Variants in BAHCC1 observed in about 807,000 individuals in gnomAD.
BAHCC1 encodes the protein BAH domain and coiled-coil containing 1.
Under a neutral mutation model 88.2 loss-of-function variants are expected in BAHCC1, and 43 were observed. That is an observed-to-expected ratio of 0.49 (90% CI 0.38 to 0.63). The LOEUF is 0.63. Ranked by LOEUF, BAHCC1 falls within the 20% of genes least tolerant of loss-of-function variation. The pLI, the probability that BAHCC1 is intolerant of heterozygous loss-of-function variation, is 0.00. For synonymous variants in BAHCC1, 1,510 were observed against 745.5 expected (o/e 2.03, Z -16.71); for missense variants, 3,023 against 1,654.8 (o/e 1.83, Z -14.34).
Position 81,395,485 on chromosome 17 carries a change from C to T in BAHCC1, c.-357C>T, listed in dbSNP as rs1457670229. 1 of 152,222 alleles carries T rather than the reference C, an allele frequency of 6.6e-6. No homozygotes were observed. The highest frequency in any genetic ancestry group is 1.5e-5 in the Non-Finnish European group (1 of 68,054). The allele number at this position is 152,222 out of a possible 1,614,324, so 9.4% of individuals were successfully genotyped here. A position where few individuals can be genotyped will look rare whatever the true frequency, so the allele number is the denominator to read the frequency against. On this transcript the variant is annotated 5_prime_UTR_variant, in exon 1 of 28. Transcript: ENST00000675386. ...CCAGGCTGCAGGTTTGAGAGCCGCT[C>T]TGGATGGGCTCGCTAGAGTCGTTGT...
chr17:81,456,836 A>T (rs2064758483), intron 16 of BAHCC1, among the ~76,000 whole-genome samples: 1 of 151,946 alleles, frequency 6.6e-6, no homozygotes, highest in Non-Finnish European at 1.5e-5. Flanking sequence ...GCCGAAGGGG[A>T]AGGAAGGACC....
intron 23 of BAHCC1, among the ~76,000 whole-genome samples, 177 bp from the exon 24 acceptor site, chr17:81,460,100 G>A (rs573097537): frequency 3.9e-5 from 6 of 152,246 alleles, no homozygotes; most frequent in South Asian, 4.1e-4. Flanking sequence ...GGCACTGCAG[G>A]AGGTGGAGAG....
rs782328774 is a variant in BAHCC1, at chr17:81,399,575, G to A, written c.-165G>A. On this transcript the variant is annotated 5_prime_UTR_variant, in exon 2 of 28. Coordinates refer to ENST00000675386, the MANE Select transcript of BAHCC1 (RefSeq NM_001377448.1). This position sits in a 1 kb window ranked among gnomAD's most constrained non-coding sequence, Gnocchi z 4.5. ...GCGGCCGCTGGCTCGGTGCGCGGCC[G>A]CCCGCCGAGAAGCCCAGTCCTCCCG... 4 of 414,024 alleles carry A rather than the reference G, an allele frequency of 9.7e-6. No individual in the cohort carries two copies. Among genetic ancestry groups the A allele is most frequent in the East Asian group, 1.5e-4 (1 of 6,830 alleles). 25.6% of individuals were successfully genotyped at this position (414,024 alleles called of 1,614,324 possible).
rs1555645532 is a variant in BAHCC1, at chr17:81,399,365, T to TGCGGCGGGGAGACACCGAGC, written c.-206-166_-206-147dup. 2 of 134,136 alleles carry TGCGGCGGGGAGACACCGAGC rather than the reference T, an allele frequency of 1.5e-5. No individual in the cohort carries two copies. Among genetic ancestry groups the TGCGGCGGGGAGACACCGAGC allele is most frequent in the Non-Finnish European group, 3.1e-5 (2 of 64,280 alleles). The allele number at this position is 134,136 out of a possible 1,614,324, so 8.3% of individuals were successfully genotyped here. ...CCCCGGGTGCTGGGCTGCGCGCGCG[T>TGCGGCGGGGAGACACCGAGC]GCGGCGGGGAGACACCGAGCGCCCC... On this transcript the variant is annotated intron_variant, in intron 1 of 27. Transcript: ENST00000675386. The surrounding 1 kb of genome is among the most constrained non-coding windows in gnomAD (Gnocchi z 4.5).
At chr17:81,423,803 G>T (rs2064142797) in intron 2 of BAHCC1, among the ~76,000 whole-genome samples, 1 of 152,242 alleles carries the variant, frequency 6.6e-6, no homozygotes. Flanking sequence ...ACTGGACTTG[G>T]GCAGAGGTGG....
chr17:81,414,069 C>T (rs571595912), intron 2 of BAHCC1, among the ~76,000 whole-genome samples: 168 of 152,342 alleles, frequency 1.1e-3, no homozygotes, highest in African/African-American at 3.7e-3. Context: ...CTAGACTCTC[C>T]TCTGAAGCTG....
intron 23 of BAHCC1, 100 bp from the exon 24 acceptor site, chr17:81,460,177 G>GCCCTCCCCTCA (rs2030123021): frequency 3.0e-6 from 2 of 671,364 alleles, no homozygotes; most frequent in Non-Finnish European, 5.5e-6. Context: ...GAACCCCAGA[G>GCCCTCCCCTCA]CCCTCCCCTC....
intron 2 of BAHCC1, among the ~76,000 whole-genome samples, chr17:81,421,616 G>A (rs1203267271): frequency 1.3e-5 from 2 of 152,222 alleles, no homozygotes; most frequent in African/African-American, 4.8e-5. Flanking sequence ...CAGTGGGGGA[G>A]AAATCCACGC....
At chr17:81,398,514 C>T (rs1377310560) in intron 1 of BAHCC1, among the ~76,000 whole-genome samples, 1 of 152,232 alleles carries the variant, frequency 6.6e-6, no homozygotes, top group Non-Finnish European at 1.5e-5. Context: ...GAGCGGAGAC[C>T]GGCCTCTGCT....
chr17:81,451,965 C>T lies in BAHCC1; in HGVS notation c.4180-6C>T. The T allele has an allele frequency of 1.6e-6, 1 of 623,642 alleles. No homozygotes were observed. Among genetic ancestry groups the T allele is most frequent in the Non-Finnish European group, 2.9e-6 (1 of 347,714 alleles). 38.6% of individuals were successfully genotyped at this position (623,642 alleles called of 1,614,324 possible). Reference sequence around the variant, plus strand: ...GGCTCACAGGCCCCTGTGCCCCCCCCACCAGGTGTGCCCCCTGAAGGCCGC... The same window carrying T: ...GGCTCACAGGCCCCTGTGCCCCCCCTACCAGGTGTGCCCCCTGAAGGCCGC... On this transcript the variant is annotated splice_region_variant and splice_polypyrimidine_tract_variant and intron_variant, in intron 12 of 27. Coordinates refer to ENST00000675386, the MANE Select transcript of BAHCC1 (RefSeq NM_001377448.1).
intron 2 of BAHCC1, among the ~76,000 whole-genome samples, chr17:81,415,154 G>A (rs560853752): frequency 5.9e-5 from 9 of 152,360 alleles, no homozygotes; most frequent in South Asian, 2.1e-4. Context: ...GCACCTGGCC[G>A]TGTGACCCCC....
intron 2 of BAHCC1, among the ~76,000 whole-genome samples, chr17:81,403,493 AAG>A (rs200502770): frequency 5.3e-5 from 8 of 149,636 alleles, no homozygotes; most frequent in African/African-American, 2.0e-4. Context: ...AAAAAAAAAA[AAG>A]AAAAAGAAAA....
Position 81,406,764 on chromosome 17 carries a change from G to A in BAHCC1, c.178+6847G>A, listed in dbSNP as rs2063885334. Among the ~76,000 whole-genome samples the A allele has an allele frequency of 2.6e-5, 4 of 152,350 alleles. No homozygotes were observed. In the South Asian group the frequency reaches 8.3e-4, roughly 32 times the overall value. On this transcript the variant is annotated intron_variant, in intron 2 of 27. Coordinates refer to ENST00000675386, the MANE Select transcript of BAHCC1 (RefSeq NM_001377448.1). ...GCTAGGTGTGCGCTGAGGGGATGTG[G>A]TGGCAGGCGCTGGGGGCAGGCGGCG...
Position 81,445,456 on chromosome 17 carries a change from GC to G in BAHCC1, c.2943del (p.Ser982HisfsTer37). 1.3e-6 allele frequency: 1 copy of G among 762,228 alleles called. No individual in the cohort carries two copies. Among genetic ancestry groups the G allele is most frequent in the South Asian group, 1.4e-5 (1 of 71,696 alleles). The allele number at this position is 762,228 out of a possible 1,614,324, so 47.2% of individuals were successfully genotyped here. ...PVALTPTAPG[A>X]PSPAAGPTKL... ...TGCCTTAACCCCCACGGCCCCGGGC[GC>G]CCCCTCACCCGCTGCAGGCCCCACC... is the stretch of plus-strand genomic sequence containing the variant. On this transcript the variant is annotated frameshift_variant, in exon 10 of 28. Transcript: ENST00000675386. LOFTEE classifies it high-confidence loss of function.
At chr17:81,400,088 C>A (rs1434631747) in intron 2 of BAHCC1, among the ~76,000 whole-genome samples, 171 bp downstream of exon 2, 1 of 152,050 alleles carries the variant, frequency 6.6e-6, no homozygotes, top group Non-Finnish European at 1.5e-5. Context: ...CCCCAAGCTG[C>A]GTCGCCGCGG....
chr17:81,413,264 T>C, intron 2 of BAHCC1: 1 of 251,354 alleles, frequency 4.0e-6, no homozygotes, highest in Non-Finnish European at 8.1e-6. Context: ...CCTCGGGGGT[T>C]TGTGCCTTTC....
rs1555657912 is a variant in BAHCC1, at chr17:81,458,242, C to G, written c.5119C>G (p.Leu1707Val). The change falls in exon 18 of 28, where the codon CTG becomes GTG. Residue 1707 changes from leucine (L) to valine (V), a missense_variant. Coordinates refer to ENST00000675386, the MANE Select transcript of BAHCC1 (RefSeq NM_001377448.1). ...RSVKAKVGTT[L>V]ERAPGQRPPG... ...GGTGAAGGCCAAGGTGGGCACCACC[C>G]TGGAGCGGGCCCCAGGGCAGAGGCC... The G allele has an allele frequency of 1.4e-6, 1 of 739,252 alleles. No individual in the cohort carries two copies. Among genetic ancestry groups the G allele is most frequent in the East Asian group, 2.6e-5 (1 of 39,002 alleles). The allele number at this position is 739,252 out of a possible 1,614,324, so 45.8% of individuals were successfully genotyped here.
chr17:81,415,214 C>T (rs1413537440), intron 2 of BAHCC1, among the ~76,000 whole-genome samples: 1 of 152,246 alleles, frequency 6.6e-6, no homozygotes, highest in Non-Finnish European at 1.5e-5. Flanking sequence ...TCCTCTCCTC[C>T]ACCCATCTTC....
chr17:81,464,085 C>A lies in BAHCC1; in HGVS notation c.*268C>A. 3 of 553,668 alleles carry A rather than the reference C, an allele frequency of 5.4e-6. No individual in the cohort carries two copies. Among genetic ancestry groups the A allele is most frequent in the Non-Finnish European group, 9.8e-6 (3 of 307,436 alleles). The allele number at this position is 553,668 out of a possible 1,614,324, so 34.3% of individuals were successfully genotyped here. A position where few individuals can be genotyped will look rare whatever the true frequency, so the allele number is the denominator to read the frequency against. On this transcript the variant is annotated 3_prime_UTR_variant, in exon 28 of 28. Coordinates refer to ENST00000675386, the MANE Select transcript of BAHCC1 (RefSeq NM_001377448.1). ...CCCGGCCCGCCCCACCCACAGCGCC[C>A]TCCGTTTCCCGCACCGGCAGTTCAC...
Sources: allele counts gnomAD v4.1 joint callset (sites outside exome capture counted in the v4.1 genomes callset), GRCh38; gene constraint gnomAD v4.1.1; non-coding constraint Gnocchi (gnomAD v3.1); transcripts MANE v1.5; gene names NCBI Gene and HGNC (gene_info 2026-07-23, HGNC 2026-07-21).